The following CCDC125 variants were observed in gnomAD, a reference collection of about 807,000 sequenced individuals.
The protein encoded by CCDC125 is coiled-coil domain containing 125, also known as coiled-coil domain-containing protein 125.
Under a neutral mutation model 57.4 loss-of-function variants are expected in CCDC125, and 43 were observed. That is an observed-to-expected ratio of 0.75 (90% CI 0.59 to 0.97). The LOEUF is 0.97. CCDC125 is among the 50% of genes least tolerant of loss of function. CCDC125 has a pLI of 0.00. For synonymous variants in CCDC125, 187 were observed against 195.2 expected (o/e 0.96, Z 0.35); for missense variants, 563 against 595.7 (o/e 0.95, Z 0.57).
At chr5:69,330,368 G>C (rs529969619) in intron 1 of CCDC125, among the ~76,000 whole-genome samples, 48 of 152,046 alleles carry the variant, frequency 3.2e-4, no homozygotes, top group Non-Finnish European at 6.0e-4. Context: ...GGCTGAGGCG[G>C]GCGGATCATG....
intron 1 of CCDC125, among the ~76,000 whole-genome samples, chr5:69,330,665 C>G (rs1241581040): frequency 6.6e-6 from 1 of 152,092 alleles, no homozygotes; most frequent in Non-Finnish European, 1.5e-5. Flanking sequence ...TCTGCAAATG[C>G]ATCAACTATG....
At chr5:69,320,796 T>G (rs1377267046) in intron 1 of CCDC125, among the ~76,000 whole-genome samples, 1 of 151,952 alleles carries the variant, frequency 6.6e-6, no homozygotes, top group East Asian at 1.9e-4. Flanking sequence ...GGTGTGTGTG[T>G]GTGTGTGTGT....
chr5:69,329,747 C>A (rs1276734379), intron 1 of CCDC125, among the ~76,000 whole-genome samples: 1 of 150,956 alleles, frequency 6.6e-6, no homozygotes, highest in Non-Finnish European at 1.5e-5. Context: ...AGATGATCCA[C>A]CTGTCTCGGC....
At chr5:69,279,717 A>G (rs1237038350), downstream of CCDC125, among the ~76,000 whole-genome samples, 2 of 152,158 alleles carry the variant, frequency 1.3e-5, no homozygotes, top group Non-Finnish European at 2.9e-5. Context: ...AGGGAGAAGC[A>G]GCCAAGCAGC....
intron 1 of CCDC125, among the ~76,000 whole-genome samples, chr5:69,328,120 T>C (rs1415314313): frequency 6.6e-6 from 1 of 152,176 alleles, no homozygotes; most frequent in Non-Finnish European, 1.5e-5. Context: ...AGTCTCAAAC[T>C]CCTGACCTCA....
intron 1 of CCDC125, among the ~76,000 whole-genome samples, chr5:69,328,144 C>G (rs745856800): frequency 1.3e-5 from 2 of 152,178 alleles, no homozygotes; most frequent in Non-Finnish European, 2.9e-5. Flanking sequence ...CATCCGCTCA[C>G]CTCTGTCTGC....
intron 8 of CCDC125, among the ~76,000 whole-genome samples, chr5:69,296,720 T>C (rs958614930): frequency 1.3e-5 from 2 of 152,040 alleles, no homozygotes; most frequent in East Asian, 1.9e-4. Context: ...TCCCAGCACT[T>C]TGGGAGGCCG....
intron 5 of CCDC125, 107 bp from the exon 6 acceptor site, chr5:69,307,009 TAAAGAGA>T: frequency 8.1e-7 from 1 of 1,232,408 alleles, no homozygotes; most frequent in Non-Finnish European, 1.0e-6. Flanking sequence ...AGAAATGGTT[TAAAGAGA>T]AAAAATTAAT....
intron 6 of CCDC125, 76 bp from the exon 7 acceptor site, chr5:69,304,005 T>A: frequency 2.6e-6 from 2 of 765,570 alleles, no homozygotes; most frequent in Non-Finnish European, 4.2e-6. Context: ...ATTGCCATAA[T>A]TGGAACACAA....
At chr5:69,294,964 CAG>C in intron 8 of CCDC125, 64 bp from the exon 9 acceptor site, 1 of 1,406,270 alleles carries the variant, frequency 7.1e-7, no homozygotes, top group Middle Eastern at 1.8e-4. Context: ...CACACAAACA[CAG>C]GGGCATTTAC....
In CCDC125 at chr5:69,319,850, G is replaced by A. The variant is rs928909941; in HGVS notation, c.304+387C>T. Among the ~76,000 whole-genome samples the A allele has an allele frequency of 2.0e-5, 3 of 152,196 alleles. No individual in the cohort carries two copies. The South Asian group carries it at 6.2e-4, about 32-fold the overall frequency. ...GATAAATTTCTAAAAGCTGGGTGCA[G>A]TGGCTCATGCCGGTAATCCCAGCAC... On this transcript the variant is annotated intron_variant, in intron 2 of 11. Transcript: ENST00000396496.
At chr5:69,322,014 T>A (rs1016114125) in intron 1 of CCDC125, among the ~76,000 whole-genome samples, 4 of 152,104 alleles carry the variant, frequency 2.6e-5, no homozygotes, top group Non-Finnish European at 1.5e-5. Flanking sequence ...TTTTCTATTT[T>A]TTTTTTAGTA....
Position 69,280,427 on chromosome 5 carries a change from C to G in CCDC125, c.*2302G>C. 1 of 152,116 alleles carries G rather than the reference C, an allele frequency of 6.6e-6. No individual in the cohort carries two copies. Among genetic ancestry groups the G allele is most frequent in the East Asian group, 1.9e-4 (1 of 5,180 alleles). 9.4% of individuals were successfully genotyped at this position (152,116 alleles called of 1,614,324 possible). A position where few individuals can be genotyped will look rare whatever the true frequency, so the allele number is the denominator to read the frequency against. On this transcript the variant is annotated 3_prime_UTR_variant, in exon 12 of 12. Transcript: ENST00000396496. ...CTACTGCACCTGTGCAGAGGACCACCCAGGACATGATTACTGCAACACCTC... is the reference window on the plus strand; with the variant it reads ...CTACTGCACCTGTGCAGAGGACCACGCAGGACATGATTACTGCAACACCTC...
At chr5:69,332,521 T>A (rs1186656990) in intron 1 of CCDC125, 128 bp downstream of exon 1, 2 of 152,232 alleles carry the variant, frequency 1.3e-5, no homozygotes, top group Admixed American at 6.5e-5. Flanking sequence ...ATTTTTTTCT[T>A]ATCAGACGAG....
intron 1 of CCDC125, among the ~76,000 whole-genome samples, chr5:69,322,962 C>T (rs1760265928): frequency 1.3e-5 from 2 of 151,542 alleles, no homozygotes; most frequent in African/African-American, 4.8e-5. Context: ...TGAGCCATAA[C>T]TGTGCCTCCA....
At chr5:69,310,506 G>A in intron 4 of CCDC125, 1 of 159,068 alleles carries the variant, frequency 6.3e-6, no homozygotes, top group Non-Finnish European at 1.4e-5. Flanking sequence ...GGAACTGTAA[G>A]TCCAATTAAA....
In CCDC125 at chr5:69,320,434, G is replaced by C; in HGVS notation, c.107C>G (p.Pro36Arg). Residue 36 changes from proline to arginine, a missense_variant, in exon 2 of 12, where the codon CCT (proline) becomes CGT (arginine). By Grantham distance (103) the Pro-to-Arg change is moderately radical (BLOSUM62 -2). Coordinates refer to ENST00000396496, the MANE Select transcript of CCDC125 (RefSeq NM_176816.5). ...AAATTCTATTTCATAAATCCCACCAGGTTTCCTTCCGAGGCCATACCCTAA... is the reference window on the plus strand; with the variant it reads ...AAATTCTATTTCATAAATCCCACCACGTTTCCTTCCGAGGCCATACCCTAA... The part of the protein sequence containing the change: ...GDLGYGLGRK[P>R]GGIYEIEFSH... 6.2e-7 allele frequency: 1 copy of C among 1,613,880 alleles called. No homozygotes were observed. Among genetic ancestry groups the C allele is most frequent in the Non-Finnish European group, 8.5e-7 (1 of 1,179,920 alleles).
chr5:69,278,491 G>A (rs1412158994), downstream of CCDC125, among the ~76,000 whole-genome samples: 1 of 151,934 alleles, frequency 6.6e-6, no homozygotes, highest in Non-Finnish European at 1.5e-5. Context: ...GGGATTACAG[G>A]TGTGAGCCAC....
At chr5:69,301,898 A>AAATCAT (rs1756515992) in intron 7 of CCDC125, among the ~76,000 whole-genome samples, 1 of 145,602 alleles carries the variant, frequency 6.9e-6, no homozygotes, top group Non-Finnish European at 1.5e-5. Flanking sequence ...TTCTGTCTCA[A>AAATCAT]AATAATAATA....
Sources: allele counts gnomAD v4.1 joint callset (sites outside exome capture counted in the v4.1 genomes callset), GRCh38; gene constraint gnomAD v4.1.1; transcripts MANE v1.5; gene names NCBI Gene and HGNC (gene_info 2026-07-23, HGNC 2026-07-21).